GRID2: variants seen among roughly 807,000 people sequenced by gnomAD.
The protein encoded by GRID2 is glutamate ionotropic receptor delta type subunit 2.
GRID2 carries 33 observed loss-of-function variants against 114.8 expected under a neutral mutation model. That is an observed-to-expected ratio of 0.29 (90% CI 0.22 to 0.38). The LOEUF (loss-of-function observed/expected upper bound fraction) is 0.38, where lower values mean the gene tolerates loss of function less well. GRID2 is among the 10% of genes least tolerant of loss of function. The pLI, the probability that GRID2 is intolerant of heterozygous loss-of-function variation, is 1.00. For synonymous variants in GRID2, 505 were observed against 449.9 expected (o/e 1.12, Z -1.55); for missense variants, 1,184 against 1,257.7 (o/e 0.94, Z 0.89).
chr4:93,216,439 T>C (rs190491116), intron 5 of GRID2, among the ~76,000 whole-genome samples: 335 of 152,208 alleles, frequency 2.2e-3, no homozygotes, highest in African/African-American at 7.7e-3. Flanking sequence ...ACACCTATGT[T>C]TCTACAATGT....
chr4:92,737,791 A>C (rs1736672300), intron 2 of GRID2, among the ~76,000 whole-genome samples: 1 of 152,118 alleles, frequency 6.6e-6, no homozygotes, highest in Admixed American at 6.6e-5. Flanking sequence ...AGAAATGAGT[A>C]TTTTTCTTCA....
At position 93,291,648 on chromosome 4, in the gene GRID2, G is replaced by A. The variant is rs151141583; in HGVS notation, c.1245+53158G>A. Among the ~76,000 whole-genome samples, 440 of 152,300 alleles carry A rather than the reference G, an allele frequency of 2.9e-3. 3 individuals are homozygous for A. The highest frequency in any genetic ancestry group is 9.9e-3 in the African/African-American group (410 of 41,572). ...TAAATAGGTTAAAACTGAGAAGCAT[G>A]TAAATCCAAGTATATACTTATTTTG... is the stretch of plus-strand genomic sequence containing the variant. On this transcript the variant is annotated intron_variant, in intron 8 of 15. Coordinates refer to ENST00000282020, the MANE Select transcript of GRID2 (RefSeq NM_001510.4).
chr4:93,094,319 G>T (rs966255282), intron 3 of GRID2, among the ~76,000 whole-genome samples: 12 of 151,944 alleles, frequency 7.9e-5, no homozygotes, highest in African/African-American at 2.4e-4. Context: ...TTTTTGATTT[G>T]CTATGAAAAA....
chr4:92,759,643 T>C (rs983956844), intron 2 of GRID2, among the ~76,000 whole-genome samples: 1 of 152,024 alleles, frequency 6.6e-6, no homozygotes. Context: ...TCGCTTTTGT[T>C]GCCCAGGCTG....
chr4:93,467,926 T>C (rs1241040330), intron 11 of GRID2, among the ~76,000 whole-genome samples: 1 of 152,216 alleles, frequency 6.6e-6, no homozygotes, highest in African/African-American at 2.4e-5. Flanking sequence ...ACCTGCATCA[T>C]CATAACATGT....
At chr4:93,254,284 A>G (rs1034201547) in intron 8 of GRID2, among the ~76,000 whole-genome samples, 1 of 152,122 alleles carries the variant, frequency 6.6e-6, no homozygotes, top group Non-Finnish European at 1.5e-5. Flanking sequence ...AAAATAATCA[A>G]AAGTGAGAAA....
chr4:92,806,226 A>C (rs756205107), intron 2 of GRID2, among the ~76,000 whole-genome samples: 19 of 150,334 alleles, frequency 1.3e-4, no homozygotes, highest in Non-Finnish European at 2.5e-4. Context: ...TATCTAAATA[A>C]ATCACATTTT....
At chr4:93,787,143 GA>G (rs1561003612) in intron 1 of GRID2, among the ~76,000 whole-genome samples, 1 of 151,884 alleles carries the variant, frequency 6.6e-6, no homozygotes, top group African/African-American at 2.4e-5. Context: ...ATGAGGTAAA[GA>G]GAGAACATGG....
At chr4:92,834,193 A>G (rs1742303315) in intron 2 of GRID2, among the ~76,000 whole-genome samples, 2 of 152,150 alleles carry the variant, frequency 1.3e-5, no homozygotes, top group South Asian at 2.1e-4. Flanking sequence ...GTCAAAAGCT[A>G]TTGCCATTCC....
intron 1 of GRID2, among the ~76,000 whole-genome samples, chr4:92,339,400 C>G (rs1727356268): frequency 1.3e-5 from 2 of 152,064 alleles, no homozygotes; most frequent in African/African-American, 4.8e-5. Context: ...CATTAACTAT[C>G]CTATGATAGC....
intron 11 of GRID2, among the ~76,000 whole-genome samples, chr4:93,471,533 G>A (rs1046468696): frequency 6.6e-6 from 1 of 151,820 alleles, no homozygotes; most frequent in Non-Finnish European, 1.5e-5. Flanking sequence ...TTGATTTGGT[G>A]TGTAATTGGT....
At chr4:93,488,526 G>A (rs970858483) in intron 11 of GRID2, among the ~76,000 whole-genome samples, 81 of 151,984 alleles carry the variant, frequency 5.3e-4, no homozygotes, top group African/African-American at 1.8e-3. Flanking sequence ...AGTCATTCAC[G>A]TATTGATAGA....
At chr4:93,409,751 T>A (rs921911198) in intron 9 of GRID2, among the ~76,000 whole-genome samples, 1 of 152,184 alleles carries the variant, frequency 6.6e-6, no homozygotes, top group Non-Finnish European at 1.5e-5. Flanking sequence ...TGGTTAAGAA[T>A]ATGAACTTCA....
chr4:92,686,220 A>G (rs1010895513), intron 2 of GRID2, among the ~76,000 whole-genome samples: 3 of 152,088 alleles, frequency 2.0e-5, no homozygotes, highest in African/African-American at 7.2e-5. Flanking sequence ...AAACTACTTA[A>G]AATTAAATTG....
chr4:92,764,374 A>T (rs1371344751), intron 2 of GRID2, among the ~76,000 whole-genome samples: 1 of 152,236 alleles, frequency 6.6e-6, no homozygotes, highest in Non-Finnish European at 1.5e-5. Context: ...ACTCTATTTA[A>T]ACAACTGAAG....
At chr4:93,264,995 A>T (rs1293568627) in intron 8 of GRID2, among the ~76,000 whole-genome samples, 2 of 151,472 alleles carry the variant, frequency 1.3e-5, no homozygotes, top group East Asian at 3.9e-4. Context: ...TTTGGCCAGG[A>T]TGGTCTCGAT....
chr4:93,031,744 C>CT (rs869302929), intron 2 of GRID2, among the ~76,000 whole-genome samples: 181 of 143,106 alleles, frequency 1.3e-3, no homozygotes, highest in South Asian at 1.8e-3. Context: ...TCAATTAAAC[C>CT]TTTTTTTTTT....
chr4:93,100,823 T>C (rs1364928325), intron 3 of GRID2, among the ~76,000 whole-genome samples: 1 of 152,078 alleles, frequency 6.6e-6, no homozygotes, highest in East Asian at 1.9e-4. Flanking sequence ...ACATATCTCT[T>C]TTCCTATTGA....
At chr4:93,683,241 T>A (rs1725760086) in intron 14 of GRID2, among the ~76,000 whole-genome samples, 1 of 151,992 alleles carries the variant, frequency 6.6e-6, no homozygotes, top group African/African-American at 2.4e-5. Context: ...CCTGCTCAGA[T>A]CTCAAGTTAC....
Sources: gnomAD v4.1 joint callset for allele counts (sites outside exome capture counted in the v4.1 genomes callset) on GRCh38, gnomAD v4.1.1 for gene constraint, MANE v1.5 for transcripts, NCBI Gene and HGNC (gene_info 2026-07-23, HGNC 2026-07-21) for gene names.